The following USP34 variants were observed in gnomAD, a reference collection of about 807,000 sequenced individuals.
USP34 encodes ubiquitin carboxyl-terminal hydrolase 34.
Under a neutral mutation model 460.3 loss-of-function variants are expected in USP34, and 70 were observed. That is an observed-to-expected ratio of 0.15 (90% confidence interval 0.13 to 0.19). The LOEUF is 0.19. Among genes scored for constraint, USP34 ranks in the 10% least tolerant of loss-of-function variants. The pLI is 1.00. For missense variants in USP34, 3,985 were observed against 4,236.2 expected, an observed-to-expected ratio of 0.94 and a Z score of 1.65; for synonymous variants, 1,647 against 1,405.3, an observed-to-expected ratio of 1.17 and a Z score of -3.85.
chr2:61,243,090 C>G (rs1688318291), intron 51 of USP34, among the ~76,000 whole-genome samples: 1 of 152,044 alleles, frequency 6.6e-6, no homozygotes, highest in Admixed American at 6.5e-5. Flanking sequence ...AAGCAATCCG[C>G]CCGCCTCAGC....
intron 75 of USP34, among the ~76,000 whole-genome samples, chr2:61,201,047 C>A (rs1158457958): frequency 1.3e-5 from 2 of 151,974 alleles, no homozygotes; most frequent in Non-Finnish European, 2.9e-5. Flanking sequence ...ATATTTAATG[C>A]TGTGCCACCA....
chr2:61,227,143 C>A lies in USP34; in HGVS notation c.7519G>T (p.Glu2507Ter). The A allele has an allele frequency of 1.2e-6, 2 of 1,614,002 alleles. No individual in the cohort carries two copies. The highest frequency in any genetic ancestry group is 8.5e-7 in the Non-Finnish European group (1 of 1,179,974). ...EEEDILSLAE[E>*]KYRPAALEKM... ...TCAAGGGCAGCTGGCCTGTATTTTT[C>A]TTCTGCCAGAGAGAGGATATCTTCT... The change falls in exon 62 of 80, where the codon GAA becomes TAA. Residue 2507 changes from glutamate to a stop codon, truncating the protein, a stop_gained. Transcript: ENST00000398571. LOFTEE classifies it high-confidence loss of function.
chr2:61,396,383 T>A (rs183509177), intron 3 of USP34, among the ~76,000 whole-genome samples: 1 of 152,182 alleles, frequency 6.6e-6, no homozygotes, highest in Non-Finnish European at 1.5e-5. Flanking sequence ...GAACTAATCA[T>A]ACTAGTACTG....
chr2:61,452,150 G>A (rs1573057520), intron 1 of USP34, among the ~76,000 whole-genome samples: 1 of 150,990 alleles, frequency 6.6e-6, no homozygotes, highest in African/African-American at 2.4e-5. Flanking sequence ...CTCCAGCCTG[G>A]GCGACAGAGC....
At chr2:61,290,609 C>A (rs1257592605) in intron 33 of USP34, among the ~76,000 whole-genome samples, 1 of 152,060 alleles carries the variant, frequency 6.6e-6, no homozygotes, top group African/African-American at 2.4e-5. Flanking sequence ...AAATGAAAAT[C>A]TCATCTATTG....
At chr2:61,293,696 C>CA in intron 32 of USP34, 146 bp from the exon 33 acceptor site, 3 of 594,592 alleles carry the variant, frequency 5.0e-6, no homozygotes, top group Non-Finnish European at 8.6e-6. Flanking sequence ...AATTTCTAGA[C>CA]AAAATAATAA....
chr2:61,399,115 G>A (rs1385034511), intron 3 of USP34, among the ~76,000 whole-genome samples: 1 of 152,086 alleles, frequency 6.6e-6, no homozygotes, highest in Non-Finnish European at 1.5e-5. Flanking sequence ...AACACTTTGA[G>A]AGGCCTAGGT....
intron 75 of USP34, among the ~76,000 whole-genome samples, chr2:61,199,509 G>A (rs1223539248): frequency 6.6e-6 from 1 of 152,164 alleles, no homozygotes; most frequent in Non-Finnish European, 1.5e-5. Context: ...ACCCACCTCG[G>A]CCTCCCAAAG....
chr2:61,239,116 G>A (rs1383704796), intron 53 of USP34, among the ~76,000 whole-genome samples: 6 of 151,872 alleles, frequency 4.0e-5, no homozygotes, highest in East Asian at 1.9e-4. Flanking sequence ...TGACTGCACC[G>A]AGTAGCTGTT....
intron 48 of USP34, among the ~76,000 whole-genome samples, chr2:61,255,468 C>T (rs984372587): frequency 6.6e-6 from 1 of 152,182 alleles, no homozygotes; most frequent in African/African-American, 2.4e-5. Context: ...TTATTTGTAT[C>T]TTAGGAATCA....
intron 20 of USP34, among the ~76,000 whole-genome samples, chr2:61,330,583 T>G (rs1558533507): frequency 6.6e-6 from 1 of 152,172 alleles, no homozygotes. Context: ...ACAGTGTGAC[T>G]CCTCCTCTTC....
chr2:61,419,110 T>G (rs1694284961), intron 2 of USP34, among the ~76,000 whole-genome samples: 1 of 152,190 alleles, frequency 6.6e-6, no homozygotes, highest in African/African-American at 2.4e-5. Flanking sequence ...TTTACAGAAC[T>G]TAACTCATTT....
rs1373802166 is a variant in USP34 at position 61,348,668 on chromosome 2, A to G, written c.1674+88T>C. ...CGTAAAGGAGAGGACAAGCCCAAAC[A>G]TGAATTATGTATATATACCCAATTC... On this transcript the variant is annotated intron_variant, in intron 14 of 79. Coordinates refer to ENST00000398571, the MANE Select transcript of USP34 (RefSeq NM_014709.4). 1.2e-5 allele frequency: 18 copies of G among 1,486,274 alleles called. No homozygotes were observed. In the East Asian group the frequency reaches 2.9e-4, roughly 24 times the overall value. The allele number at this position is 1,486,274 out of a possible 1,614,324, so 92.1% of individuals were successfully genotyped here. A position where few individuals can be genotyped will look rare whatever the true frequency, so the allele number is the denominator to read the frequency against.
intron 21 of USP34, 32 bp downstream of exon 21, chr2:61,325,343 G>A (rs1691054076): frequency 2.1e-6 from 3 of 1,404,684 alleles, no homozygotes; most frequent in South Asian, 1.3e-5. Flanking sequence ...AGTCAAAACA[G>A]ATTTTTAAAA....
chr2:61,453,678 G>A (rs1471155059), intron 1 of USP34, among the ~76,000 whole-genome samples: 1 of 129,082 alleles, frequency 7.7e-6, no homozygotes, highest in African/African-American at 3.1e-5. Context: ...CCACACCACT[G>A]CACTCCAGCC....
intron 1 of USP34, among the ~76,000 whole-genome samples, chr2:61,439,580 A>G (rs1181769768): frequency 2.0e-5 from 3 of 152,094 alleles, no homozygotes; most frequent in African/African-American, 7.2e-5. Flanking sequence ...CCCTCACCAC[A>G]AGCAGCTGTG....
At chr2:61,431,821 T>A (rs567344500) in intron 1 of USP34, among the ~76,000 whole-genome samples, 1 of 152,162 alleles carries the variant, frequency 6.6e-6, no homozygotes, top group Non-Finnish European at 1.5e-5. Context: ...ACCACTGCAT[T>A]CCAGCCTGGG....
chr2:61,407,276 C>T (rs1055545884), intron 2 of USP34, among the ~76,000 whole-genome samples: 36 of 151,736 alleles, frequency 2.4e-4, no homozygotes, highest in African/African-American at 8.7e-4. Context: ...CCTGTAGTCC[C>T]AGCTATTCGA....
chr2:61,238,975 A>G (rs1688151919), intron 53 of USP34, among the ~76,000 whole-genome samples: 2 of 150,828 alleles, frequency 1.3e-5, no homozygotes, highest in African/African-American at 4.9e-5. Flanking sequence ...ATTATTATAT[A>G]TTATTATATA....
Sources: gnomAD v4.1 joint callset for allele counts (sites outside exome capture counted in the v4.1 genomes callset) on GRCh38, gnomAD v4.1.1 for gene constraint, MANE v1.5 for transcripts, NCBI Gene and HGNC (gene_info 2026-07-23, HGNC 2026-07-21) for gene names.